The following LRRC37A2 variants were observed in gnomAD, a reference collection of about 807,000 sequenced individuals.
LRRC37A2 encodes the protein leucine rich repeat containing 37 member A2.
LRRC37A2 carries 9 observed loss-of-function variants against 68.8 expected under a neutral mutation model. The ratio of observed to expected loss-of-function variants is 0.13; its 90% CI spans 0.08 to 0.23. The LOEUF (loss-of-function observed/expected upper bound fraction) is 0.23. Among genes scored for constraint, LRRC37A2 ranks in the 10% least tolerant of loss-of-function variants. LRRC37A2 has a pLI of 1.00. For missense variants in LRRC37A2, 168 were observed against 950.4 expected (o/e 0.18, Z 10.82); for synonymous variants, 63 against 367.6 (o/e 0.17, Z 9.48).
At chr17:46,982,363 G>A in the LRRC37A2 span, among the ~76,000 whole-genome samples, 1 of 152,206 alleles carries the variant, frequency 6.6e-6, no homozygotes, top group Non-Finnish European at 1.5e-5. Flanking sequence ...GGAAAGGGGT[G>A]GGGTGAGTGA....
At chr17:46,980,078 T>C in the LRRC37A2 span, among the ~76,000 whole-genome samples, 348 of 152,238 alleles carry the variant, frequency 2.3e-3, 2 homozygotes, top group African/African-American at 6.6e-3. Context: ...GGAGGGTTTA[T>C]TAAAACCCAG....
chr17:46,809,458 C>G, the LRRC37A2 span, among the ~76,000 whole-genome samples: 3 of 152,182 alleles, frequency 2.0e-5, no homozygotes, highest in Non-Finnish European at 4.4e-5. Flanking sequence ...TCCTGTTGCT[C>G]CCATCCCCCT....
the LRRC37A2 span, among the ~76,000 whole-genome samples, chr17:46,690,537 G>A: frequency 1.4e-4 from 12 of 83,220 alleles, no homozygotes; most frequent in Non-Finnish European, 6.9e-5. Flanking sequence ...GCGTGAACCC[G>A]GGAGGCGGAG....
the LRRC37A2 span, among the ~76,000 whole-genome samples, chr17:46,994,982 G>T: frequency 2.0e-5 from 3 of 152,136 alleles, no homozygotes; most frequent in African/African-American, 7.2e-5. Context: ...AATTAGCCAG[G>T]CATGGTGGTG....
the LRRC37A2 span, among the ~76,000 whole-genome samples, chr17:46,501,364 A>AC: frequency 6.6e-6 from 1 of 151,096 alleles, no homozygotes; most frequent in African/African-American, 2.5e-5. Flanking sequence ...TAGTAGAGAT[A>AC]GAGTTTCACC....
the LRRC37A2 span, among the ~76,000 whole-genome samples, chr17:47,026,047 A>C: frequency 6.9e-6 from 1 of 144,992 alleles, no homozygotes; most frequent in Non-Finnish European, 1.5e-5. Flanking sequence ...TAACTACATT[A>C]AGAAGAAGAA....
At chr17:46,887,332 G>T in the LRRC37A2 span, among the ~76,000 whole-genome samples, 1 of 152,030 alleles carries the variant, frequency 6.6e-6, no homozygotes, top group Non-Finnish European at 1.5e-5. Context: ...AGGGACAGGT[G>T]GTCATTAAAA....
chr17:46,551,216 C>T (rs1185020144), intron 11 of LRRC37A2, among the ~76,000 whole-genome samples: 41 of 149,114 alleles, frequency 2.7e-4, no homozygotes, highest in African/African-American at 1.1e-3. Context: ...CTAAAGCCTA[C>T]ATCTGGCTAC....
the LRRC37A2 span, among the ~76,000 whole-genome samples, chr17:46,829,796 T>C: frequency 1.7e-5 from 1 of 58,308 alleles, no homozygotes; most frequent in Non-Finnish European, 3.5e-5. Context: ...GATGCTGTGG[T>C]GGGGTGGGGG....
chr17:46,936,794 A>G, the LRRC37A2 span: 1 of 984,604 alleles, frequency 1.0e-6, no homozygotes, highest in Non-Finnish European at 1.2e-6. Context: ...AAAAAAATAC[A>G]AATACATTTC....
chr17:46,789,893 ACT>A, the LRRC37A2 span, among the ~76,000 whole-genome samples: 1 of 151,930 alleles, frequency 6.6e-6, no homozygotes, highest in Non-Finnish European at 1.5e-5. Context: ...CAACGATTCC[ACT>A]CTCTACCTTT....
chr17:46,539,552 CAA>C (rs1344086420), intron 6 of LRRC37A2, among the ~76,000 whole-genome samples: 1 of 149,438 alleles, frequency 6.7e-6, no homozygotes, highest in African/African-American at 2.5e-5. Context: ...CACCTGAGGT[CAA>C]GAGTTCAAAA....
chr17:46,918,261 G>A, the LRRC37A2 span, among the ~76,000 whole-genome samples: 18 of 152,266 alleles, frequency 1.2e-4, no homozygotes, highest in South Asian at 3.7e-3. Context: ...TGTATTTTTA[G>A]TAGAGAAGAG....
At chr17:46,873,086 TCACACACACACACACACA>T in the LRRC37A2 span, among the ~76,000 whole-genome samples, 27 of 139,916 alleles carry the variant, frequency 1.9e-4, no homozygotes, top group Admixed American at 6.4e-4. Flanking sequence ...CTCTGCCTCT[TCACACACACACACACACA>T]CACACACACA....
At chr17:46,993,027 A>C in the LRRC37A2 span, among the ~76,000 whole-genome samples, 70,781 of 141,496 alleles carry the variant, frequency 0.5, 17,186 homozygotes, top group Non-Finnish European at 0.57. Context: ...TATATGCCCA[A>C]ACTGACAGTG....
At chr17:46,999,010 C>T in the LRRC37A2 span, among the ~76,000 whole-genome samples, 1 of 152,204 alleles carries the variant, frequency 6.6e-6, no homozygotes, top group African/African-American at 2.4e-5. Context: ...CCTCCCAGAC[C>T]ATCATGGATG....
chr17:46,403,847 C>T, the LRRC37A2 span, among the ~76,000 whole-genome samples: 1 of 60,464 alleles, frequency 1.7e-5, no homozygotes. Context: ...TACAGGTGCC[C>T]GCCACAACGC....
the LRRC37A2 span, among the ~76,000 whole-genome samples, chr17:46,853,244 GTCTCTCAA>G: frequency 6.6e-6 from 1 of 151,366 alleles, no homozygotes; most frequent in African/African-American, 2.4e-5. Context: ...CTGTCTCTCA[GTCTCTCAA>G]TCTGTAAAAT....
chr17:46,646,502 CAAAAAAAAAAAAAA>C, the LRRC37A2 span, among the ~76,000 whole-genome samples: 1 of 502 alleles, frequency 2.0e-3, no homozygotes, highest in South Asian at 0.083. Flanking sequence ...GACTCCATCT[CAAAAAAAAAAAAAA>C]AAAAAAAAAA....
Sources: allele counts gnomAD v4.1 joint callset (sites outside exome capture counted in the v4.1 genomes callset), GRCh38; gene constraint gnomAD v4.1.1; transcripts MANE v1.5; gene names NCBI Gene and HGNC (gene_info 2026-07-23, HGNC 2026-07-21).